The following RARA variants were observed in gnomAD, a reference collection of about 807,000 sequenced individuals.
The protein encoded by RARA is retinoic acid receptor alpha, also known as PML-DDX5-RARA fusion.
Under a neutral mutation model 42.8 loss-of-function variants are expected in RARA, and 5 were observed. The ratio of observed to expected loss-of-function variants is 0.12; its 90% confidence interval spans 0.06 to 0.25. The LOEUF is 0.25. Ranked by LOEUF, RARA falls within the 10% of genes least tolerant of loss-of-function variation. The probability of loss-of-function intolerance (pLI) is 1.00; values close to 1 mark genes in which losing one functional copy is unlikely to be tolerated. For missense variants in RARA, 402 were observed against 628.7 expected, an observed-to-expected ratio of 0.64 and a Z score of 3.86; for synonymous variants, 256 against 259.5, an observed-to-expected ratio of 0.99 and a Z score of 0.13.
rs1156624177 is a variant in RARA at position 40,345,625 on chromosome 17, G to C, written c.179-2691G>C. Among the ~76,000 whole-genome samples, 1 of 152,236 alleles carries C rather than the reference G, an allele frequency of 6.6e-6. No individual in the cohort carries two copies. Among genetic ancestry groups the C allele is most frequent in the African/African-American group, 2.4e-5 (1 of 41,464 alleles). ...GGTCAGTTCCAGTCCTCTGTTGGGC[G>C]CTGGAACTTTGAGCTGAGAAGGTGT... On this transcript the variant is annotated intron_variant, in intron 2 of 8. Coordinates refer to ENST00000254066, the MANE Select transcript of RARA (RefSeq NM_000964.4). This position sits in a 1 kb window ranked among gnomAD's most constrained non-coding sequence, Gnocchi z 4.8.
intron 2 of RARA, among the ~76,000 whole-genome samples, chr17:40,347,336 G>A (rs567315224): frequency 6.6e-6 from 1 of 152,156 alleles, no homozygotes; most frequent in Admixed American, 6.5e-5. Context: ...GATTGTCCTG[G>A]TCATAGTTCT....
At chr17:40,350,859 C>A (rs910932181) in intron 4 of RARA, among the ~76,000 whole-genome samples, 5 of 151,996 alleles carry the variant, frequency 3.3e-5, no homozygotes, top group Non-Finnish European at 7.4e-5. Flanking sequence ...ACTCAAGACC[C>A]ACAAGCCTGG....
At chr17:40,342,977 A>G in intron 2 of RARA, 2 of 1,479,426 alleles carry the variant, frequency 1.4e-6, no homozygotes, top group Non-Finnish European at 1.8e-6. Context: ...TCCTGTCTCT[A>G]CCTTTCACTT....
At chr17:40,321,268 G>A (rs1187323226) in intron 1 of RARA, among the ~76,000 whole-genome samples, 1 of 152,028 alleles carries the variant, frequency 6.6e-6, no homozygotes, top group Non-Finnish European at 1.5e-5. Flanking sequence ...TCTGGCTCGG[G>A]TGTGGGTGTC....
At chr17:40,342,399 A>G in intron 2 of RARA, 1 of 1,142,586 alleles carries the variant, frequency 8.8e-7, no homozygotes, top group East Asian at 4.6e-5. Context: ...ACGAGACTCT[A>G]GACGGGAGTC....
At chr17:40,341,629 T>G (rs1398278150) in intron 2 of RARA, 1 of 1,347,286 alleles carries the variant, frequency 7.4e-7, no homozygotes, top group African/African-American at 1.5e-5. Flanking sequence ...GGTGGGTCAC[T>G]CGGAGGTGAG....
intron 2 of RARA, chr17:40,341,745 C>G (rs2034054637): frequency 1.5e-6 from 2 of 1,291,906 alleles, no homozygotes; most frequent in Middle Eastern, 2.9e-4. Context: ...GGACCACCCC[C>G]CTCTTCCCCG....
At chr17:40,344,217 G>A (rs569830917) in intron 2 of RARA, among the ~76,000 whole-genome samples, 1 of 152,168 alleles carries the variant, frequency 6.6e-6, no homozygotes, top group East Asian at 1.9e-4. Context: ...CCCTCCCAGA[G>A]CCACTTCTAT....
At chr17:40,342,187 G>A in intron 2 of RARA, 1 of 1,053,024 alleles carries the variant, frequency 9.5e-7, no homozygotes, top group Non-Finnish European at 1.1e-6. Flanking sequence ...GAGACCGAGC[G>A]AGTCGCCAGC....
intron 1 of RARA, among the ~76,000 whole-genome samples, chr17:40,313,691 A>C (rs1180896105): frequency 6.6e-6 from 1 of 151,862 alleles, no homozygotes; most frequent in Non-Finnish European, 1.5e-5. Context: ...GCCTCATGCC[A>C]CTCAACATCT....
chr17:40,327,263 C>T (rs1300554406), intron 1 of RARA, among the ~76,000 whole-genome samples: 2 of 152,184 alleles, frequency 1.3e-5, no homozygotes, highest in African/African-American at 2.4e-5. Flanking sequence ...ACTGGCCTCC[C>T]GACCCCCAAA....
intron 2 of RARA, among the ~76,000 whole-genome samples, chr17:40,336,852 C>A (rs945474774): frequency 4.6e-5 from 7 of 152,008 alleles, no homozygotes; most frequent in African/African-American, 1.5e-4. Context: ...TGTGCCGCTA[C>A]GCCCAGCTAA....
chr17:40,340,239 G>A (rs1253592712), intron 2 of RARA, among the ~76,000 whole-genome samples: 1 of 152,090 alleles, frequency 6.6e-6, no homozygotes, highest in Non-Finnish European at 1.5e-5. Context: ...TGCTGCAGTA[G>A]CTTTTACCTG....
intron 1 of RARA, among the ~76,000 whole-genome samples, chr17:40,317,624 C>G (rs1458681933): frequency 6.6e-6 from 1 of 151,758 alleles, no homozygotes; most frequent in East Asian, 1.9e-4. Context: ...GCCAGGGTTC[C>G]TAGGACCCAC....
Position 40,356,299 on chromosome 17 carries a change from C to A in RARA, c.*73C>A, listed in dbSNP as rs1334927229. 2 of 1,455,800 alleles carry A rather than the reference C, an allele frequency of 1.4e-6. No individual in the cohort carries two copies. Among genetic ancestry groups the A allele is most frequent in the Non-Finnish European group, 1.9e-6 (2 of 1,066,598 alleles). 90.2% of individuals were successfully genotyped at this position (1,455,800 alleles called of 1,614,324 possible). On this transcript the variant is annotated 3_prime_UTR_variant, in exon 9 of 9. Transcript: ENST00000254066. The stretch of plus-strand genomic sequence containing the variant: ...CTCTGCCTTTCTACCGACCATGTGA[C>A]CCCGCACCAGCCCTGCCCCCACCTG...
chr17:40,328,946 G>A (rs529788925), intron 1 of RARA, among the ~76,000 whole-genome samples: 6 of 152,212 alleles, frequency 3.9e-5, no homozygotes, highest in Admixed American at 3.9e-4. Flanking sequence ...AGAATTGCTG[G>A]GTCATATGCC....
At chr17:40,318,380 C>G (rs1044344881) in intron 1 of RARA, 2 of 152,326 alleles carry the variant, frequency 1.3e-5, no homozygotes, top group African/African-American at 2.4e-5. Context: ...CGAGCAGCAC[C>G]AGGGCGCCGG....
chr17:40,317,414 A>G (rs2033237730), intron 1 of RARA, among the ~76,000 whole-genome samples: 1 of 152,058 alleles, frequency 6.6e-6, no homozygotes, highest in African/African-American at 2.4e-5. Context: ...GGTCTCTCAG[A>G]TGGAGGGTGA....
chr17:40,348,444 A>T lies in RARA; in HGVS notation c.307A>T (p.Ser103Cys), dbSNP rs2034338581. The change falls in exon 3 of 9, where the codon AGC becomes TGC. Residue 103 changes from serine to cysteine, a missense_variant. Transcript: ENST00000254066. Reference sequence around the variant, plus strand: ...GTCCTCAGGCTACCACTATGGGGTCAGCGCCTGTGAGGGCTGCAAGGTGAG... The same window carrying T: ...GTCCTCAGGCTACCACTATGGGGTCTGCGCCTGTGAGGGCTGCAAGGTGAG... Reference protein sequence around the residue: ...DKSSGYHYGVSACEGCKGFFR... With the variant: ...DKSSGYHYGVCACEGCKGFFR... The T allele has an allele frequency of 6.2e-7, 1 of 1,612,792 alleles. No homozygotes were observed. The highest frequency in any genetic ancestry group is 1.7e-5 in the Admixed American group (1 of 59,846).
Sources: gnomAD v4.1 joint callset for allele counts (sites outside exome capture counted in the v4.1 genomes callset) on GRCh38, gnomAD v4.1.1 for gene constraint, Gnocchi (gnomAD v3.1) non-coding constraint, MANE v1.5 for transcripts, NCBI Gene and HGNC (gene_info 2026-07-23, HGNC 2026-07-21) for gene names.